Variants in RGS7 observed in about 807,000 individuals in gnomAD.
RGS7 encodes the protein regulator of G protein signaling 7.
In RGS7, 27 loss-of-function variants were observed where a neutral mutation model predicts 81.1. The ratio of observed to expected loss-of-function variants is 0.33; its 90% CI spans 0.25 to 0.46. The LOEUF (loss-of-function observed/expected upper bound fraction) is 0.46, where lower values mean the gene tolerates loss of function less well. Among genes scored for constraint, RGS7 ranks in the 20% least tolerant of loss-of-function variants. The pLI is 1.00. For missense variants in RGS7, 396 were observed against 607.4 expected (o/e 0.65, Z 3.66); for synonymous variants, 208 against 207.7 (o/e 1.00, Z -0.01).
chr1:241,225,536 C>CT (rs2075266061), intron 2 of RGS7, among the ~76,000 whole-genome samples: 1 of 152,158 alleles, frequency 6.6e-6, no homozygotes, highest in African/African-American at 2.4e-5. Context: ...ATAGTGTTTG[C>CT]ATCACAAATA....
chr1:241,097,146 A>T (rs2064313679), intron 3 of RGS7, among the ~76,000 whole-genome samples: 1 of 151,718 alleles, frequency 6.6e-6, no homozygotes, highest in African/African-American at 2.4e-5. Context: ...CAAAAGCTTC[A>T]GGAGAGTTTT....
intron 2 of RGS7, among the ~76,000 whole-genome samples, chr1:241,168,513 T>C (rs1312031672): frequency 6.6e-6 from 1 of 152,180 alleles, no homozygotes; most frequent in Non-Finnish European, 1.5e-5. Context: ...CTCGAGTGTG[T>C]GCTGGACCTG....
At chr1:240,981,182 T>C (rs1022041322) in intron 4 of RGS7, among the ~76,000 whole-genome samples, 2 of 152,148 alleles carry the variant, frequency 1.3e-5, no homozygotes, top group African/African-American at 2.4e-5. Flanking sequence ...TGATTTTGGC[T>C]CACTGCAACC....
intron 18 of RGS7, among the ~76,000 whole-genome samples, chr1:240,786,104 G>A (rs188514324): frequency 1.7e-4 from 26 of 152,086 alleles, no homozygotes; most frequent in Non-Finnish European, 3.1e-4. Context: ...GAAAGAATAA[G>A]TATAGCCAAA....
intron 3 of RGS7, among the ~76,000 whole-genome samples, chr1:241,097,009 T>A (rs1440573469): frequency 6.6e-6 from 1 of 152,072 alleles, no homozygotes; most frequent in Non-Finnish European, 1.5e-5. Context: ...TGTTTAGATG[T>A]GGAGTTAACT....
chr1:240,790,055 G>C (rs1685722254), intron 18 of RGS7, among the ~76,000 whole-genome samples: 1 of 152,082 alleles, frequency 6.6e-6, no homozygotes, highest in African/African-American at 2.4e-5. Context: ...AGGGAAAATA[G>C]AAAAGAACCT....
chr1:240,817,956 T>TA (rs1691122423), intron 10 of RGS7, among the ~76,000 whole-genome samples: 1 of 152,334 alleles, frequency 6.6e-6, no homozygotes, highest in African/African-American at 2.4e-5. Context: ...AACTTGGACT[T>TA]AATCATTGGA....
intron 4 of RGS7, among the ~76,000 whole-genome samples, chr1:240,975,462 A>G (rs1004337922): frequency 1.3e-5 from 2 of 152,138 alleles, no homozygotes; most frequent in Non-Finnish European, 2.9e-5. Flanking sequence ...CTTGATACCC[A>G]GGAGTGACAG....
intron 3 of RGS7, among the ~76,000 whole-genome samples, chr1:241,015,351 C>A (rs1386542108): frequency 6.6e-6 from 1 of 152,076 alleles, no homozygotes; most frequent in Non-Finnish European, 1.5e-5. Flanking sequence ...TTCAATAAAA[C>A]CTCTCATTTT....
chr1:241,221,016 AG>A (rs1230870724), intron 2 of RGS7, among the ~76,000 whole-genome samples: 3 of 112,732 alleles, frequency 2.7e-5, no homozygotes, highest in African/African-American at 8.8e-5. Flanking sequence ...AAAGGAAGGA[AG>A]GAAGGAAGGA....
chr1:241,100,839 C>T (rs756723882), intron 2 of RGS7, among the ~76,000 whole-genome samples: 7 of 152,152 alleles, frequency 4.6e-5, no homozygotes, highest in Non-Finnish European at 8.8e-5. Context: ...TATTCTCCAC[C>T]TTCATGTTTC....
At chr1:240,788,154 A>G (rs1685380249) in intron 18 of RGS7, among the ~76,000 whole-genome samples, 1 of 152,244 alleles carries the variant, frequency 6.6e-6, no homozygotes, top group African/African-American at 2.4e-5. Flanking sequence ...AGACATCTTT[A>G]TCAAGTGTTT....
At chr1:241,330,786 G>C (rs1031470241) in intron 2 of RGS7, among the ~76,000 whole-genome samples, 1 of 152,200 alleles carries the variant, frequency 6.6e-6, no homozygotes, top group Non-Finnish European at 1.5e-5. Context: ...CAACAGCAGG[G>C]AGGGAGGTGT....
At chr1:240,859,436 TCCTG>T (rs1661749237) in intron 9 of RGS7, among the ~76,000 whole-genome samples, 1 of 135,786 alleles carries the variant, frequency 7.4e-6, no homozygotes, top group African/African-American at 2.8e-5. Flanking sequence ...TTTCTTTCTT[TCCTG>T]TTTTTTTTTT....
intron 4 of RGS7, among the ~76,000 whole-genome samples, chr1:240,944,302 A>G (rs796807710): frequency 0.089 from 10,191 of 114,212 alleles, 826 homozygotes; most frequent in South Asian, 0.13. Context: ...ATATATATAT[A>G]TATATATATA....
intron 9 of RGS7, among the ~76,000 whole-genome samples, chr1:240,832,496 G>T (rs867349537): frequency 6.6e-6 from 1 of 152,224 alleles, no homozygotes; most frequent in Non-Finnish European, 1.5e-5. Flanking sequence ...TAACATTTAC[G>T]TGAGTGTCCT....
chr1:240,852,742 C>A (rs1660338613), intron 9 of RGS7, among the ~76,000 whole-genome samples: 1 of 152,084 alleles, frequency 6.6e-6, no homozygotes, highest in Non-Finnish European at 1.5e-5. Context: ...CTCTCACAAT[C>A]AAAGGTAAGT....
intron 9 of RGS7, among the ~76,000 whole-genome samples, chr1:240,866,890 G>A (rs1351313680): frequency 2.6e-5 from 4 of 152,142 alleles, no homozygotes; most frequent in African/African-American, 7.2e-5. Flanking sequence ...CTTTTGGGTT[G>A]CCAGGAGGAT....
At chr1:241,246,122 A>C (rs552028239) in intron 2 of RGS7, among the ~76,000 whole-genome samples, 2 of 152,092 alleles carry the variant, frequency 1.3e-5, no homozygotes, top group South Asian at 4.2e-4. Flanking sequence ...ATAAATAAAA[A>C]ACCGAAACGT....
Sources: gnomAD v4.1 joint callset for allele counts (sites outside exome capture counted in the v4.1 genomes callset) on GRCh38, gnomAD v4.1.1 for gene constraint, MANE v1.5 for transcripts, NCBI Gene and HGNC (gene_info 2026-07-23, HGNC 2026-07-21) for gene names.